The following CORO2B variants were observed in gnomAD, a reference collection of about 807,000 sequenced individuals.
CORO2B encodes the protein coronin 2B.
CORO2B carries 26 observed loss-of-function variants against 58.8 expected under a neutral mutation model. The ratio of observed to expected loss-of-function variants is 0.44; its 90% CI spans 0.32 to 0.61. The LOEUF is 0.61. Among genes scored for constraint, CORO2B ranks in the 20% least tolerant of loss-of-function variants. The probability of loss-of-function intolerance (pLI) is 0.04; values close to 1 mark genes in which losing one functional copy is unlikely to be tolerated. For missense variants in CORO2B, 460 were observed against 645.1 expected (o/e 0.71, Z 3.11); for synonymous variants, 242 against 253.8 (o/e 0.95, Z 0.44).
the CORO2B span, among the ~76,000 whole-genome samples, chr15:68,552,821 T>C: frequency 1.1e-4 from 17 of 152,118 alleles, no homozygotes; most frequent in Non-Finnish European, 1.2e-4. Flanking sequence ...TCCCAACCTA[T>C]TGGATTGCTG....
At chr15:68,677,258 T>A (rs1902618853) in intron 2 of CORO2B, among the ~76,000 whole-genome samples, 1 of 152,126 alleles carries the variant, frequency 6.6e-6, no homozygotes, top group South Asian at 2.1e-4. Context: ...ATTTGCAGGG[T>A]GCACTGCTGG....
the CORO2B span, among the ~76,000 whole-genome samples, chr15:68,570,050 C>CAAG: frequency 8.5e-5 from 13 of 152,292 alleles, no homozygotes; most frequent in African/African-American, 3.1e-4. Flanking sequence ...GTCAGCTGGG[C>CAAG]AAGAGGCCTT....
intron 2 of CORO2B, 146 bp from the exon 3 acceptor site, chr15:68,694,994 G>A: frequency 1.6e-6 from 1 of 635,776 alleles, no homozygotes; most frequent in South Asian, 1.9e-5. Flanking sequence ...GGCCCAGCAG[G>A]GCCCAAAAAC....
intron 1 of CORO2B, among the ~76,000 whole-genome samples, chr15:68,589,805 A>G (rs2140565292): frequency 6.6e-6 from 1 of 152,352 alleles, no homozygotes; most frequent in African/African-American, 2.4e-5. Context: ...TCCCCAAGTG[A>G]CCAACTAGGA....
intron 2 of CORO2B, among the ~76,000 whole-genome samples, chr15:68,659,308 C>T (rs912205948): frequency 5.3e-5 from 8 of 152,230 alleles, no homozygotes; most frequent in African/African-American, 1.9e-4. Context: ...CAAAACTTAA[C>T]TCTGCTGACC....
intron 1 of CORO2B, among the ~76,000 whole-genome samples, chr15:68,593,698 C>T (rs1262221451): frequency 6.6e-6 from 1 of 151,964 alleles, no homozygotes; most frequent in African/African-American, 2.4e-5. Flanking sequence ...GCTATCAGTC[C>T]AGTTTGTCTG....
At chr15:68,604,587 G>A (rs1331053851) in intron 1 of CORO2B, among the ~76,000 whole-genome samples, 2 of 151,424 alleles carry the variant, frequency 1.3e-5, no homozygotes, top group Non-Finnish European at 2.9e-5. Context: ...CTCTGGAAAG[G>A]CTGGAGTCCT....
intron 1 of CORO2B, among the ~76,000 whole-genome samples, chr15:68,638,026 C>T (rs1430890259): frequency 2.0e-5 from 3 of 152,144 alleles, no homozygotes; most frequent in Non-Finnish European, 4.4e-5. Flanking sequence ...TCCTACATTT[C>T]TTGAGAGGCT....
the CORO2B span, chr15:68,559,704 G>A: frequency 2.3e-6 from 2 of 888,350 alleles, no homozygotes; most frequent in African/African-American, 3.6e-5. The surrounding 1 kb of genome is among the most constrained non-coding windows in gnomAD (Gnocchi z 4.3). Context: ...GCTCTCTGGG[G>A]TTCTCCCAGG....
intron 1 of CORO2B, among the ~76,000 whole-genome samples, chr15:68,602,607 T>C (rs1900013159): frequency 6.6e-6 from 1 of 152,188 alleles, no homozygotes; most frequent in African/African-American, 2.4e-5. Context: ...TTCCCAGGGC[T>C]CTGATCAGCC....
At chr15:68,636,986 G>A (rs1163582500) in intron 1 of CORO2B, among the ~76,000 whole-genome samples, 1 of 152,138 alleles carries the variant, frequency 6.6e-6, no homozygotes, top group Non-Finnish European at 1.5e-5. Flanking sequence ...TAATTAATCT[G>A]AATTTAAGCA....
chr15:68,521,276 G>A, the CORO2B span, among the ~76,000 whole-genome samples: 2 of 151,898 alleles, frequency 1.3e-5, no homozygotes, highest in South Asian at 4.1e-4. Flanking sequence ...TTTACATTCT[G>A]TTACTATTAT....
At chr15:68,551,284 C>G in the CORO2B span, among the ~76,000 whole-genome samples, 1 of 152,110 alleles carries the variant, frequency 6.6e-6, no homozygotes, top group Admixed American at 6.5e-5. Context: ...CCCAGCCTAC[C>G]TCACCCCTAA....
chr15:68,721,838 C>T (rs549166382), intron 11 of CORO2B, among the ~76,000 whole-genome samples: 2 of 152,244 alleles, frequency 1.3e-5, no homozygotes, highest in African/African-American at 4.8e-5. Flanking sequence ...ACCTCAATCT[C>T]CGAGGCTCAA....
the CORO2B span, among the ~76,000 whole-genome samples, chr15:68,567,633 T>G: frequency 1.3e-5 from 2 of 152,144 alleles, no homozygotes; most frequent in Non-Finnish European, 2.9e-5. Context: ...GAAACTACAG[T>G]TTTTCCAATG....
At chr15:68,604,169 G>C (rs529443980) in intron 1 of CORO2B, among the ~76,000 whole-genome samples, 11 of 152,238 alleles carry the variant, frequency 7.2e-5, no homozygotes, top group Admixed American at 3.9e-4. Context: ...TTCTTATCAC[G>C]TTCGCTTGTC....
At chr15:68,650,856 G>A (rs1901618987) in intron 2 of CORO2B, among the ~76,000 whole-genome samples, 1 of 152,192 alleles carries the variant, frequency 6.6e-6, no homozygotes, top group Admixed American at 6.5e-5. Flanking sequence ...CCAGAGAGGG[G>A]CTCAGTGCAG....
chr15:68,674,039 T>C (rs1441638605), intron 2 of CORO2B, among the ~76,000 whole-genome samples: 1 of 152,092 alleles, frequency 6.6e-6, no homozygotes, highest in Non-Finnish European at 1.5e-5. Context: ...AAGAATTTTC[T>C]AAGTGATGGG....
chr15:68,543,797 C>T, the CORO2B span, among the ~76,000 whole-genome samples: 1 of 152,104 alleles, frequency 6.6e-6, no homozygotes, highest in South Asian at 2.1e-4. Context: ...TCCCTCCTGC[C>T]CTAGTCCCTC....
Sources: gnomAD v4.1 joint callset for allele counts (sites outside exome capture counted in the v4.1 genomes callset) on GRCh38, gnomAD v4.1.1 for gene constraint, Gnocchi (gnomAD v3.1) non-coding constraint, MANE v1.5 for transcripts, NCBI Gene and HGNC (gene_info 2026-07-23, HGNC 2026-07-21) for gene names.